KALRN: variants seen among roughly 807,000 people sequenced by gnomAD.
KALRN encodes kalirin RhoGEF kinase, also known as kalirin.
Under a neutral mutation model 353.7 loss-of-function variants are expected in KALRN, and 70 were observed. That is an observed-to-expected ratio of 0.20 (90% CI 0.16 to 0.24). KALRN has a LOEUF of 0.24. Ranked by LOEUF, KALRN falls within the 10% of genes least tolerant of loss-of-function variation. The probability of loss-of-function intolerance (pLI) is 1.00; values close to 1 mark genes in which losing one functional copy is unlikely to be tolerated. For synonymous variants in KALRN, 1,391 were observed against 1,434.8 expected (o/e 0.97, Z 0.69); for missense variants, 2,791 against 3,756.7 (o/e 0.74, Z 6.72).
chr3:124,532,613 C>G (rs1220090929), intron 33 of KALRN, among the ~76,000 whole-genome samples: 1 of 152,106 alleles, frequency 6.6e-6, no homozygotes, highest in Non-Finnish European at 1.5e-5. Context: ...CAGAACCAGC[C>G]TGGCCAATGT....
chr3:124,544,894 TG>T (rs368842934), intron 33 of KALRN, among the ~76,000 whole-genome samples: 129 of 152,326 alleles, frequency 8.5e-4, no homozygotes, highest in African/African-American at 3.1e-3. Flanking sequence ...AGATGTGGAC[TG>T]GAGGGTAGGG....
At chr3:124,218,004 G>A (rs1241448382) in intron 1 of KALRN, among the ~76,000 whole-genome samples, 1 of 152,226 alleles carries the variant, frequency 6.6e-6, no homozygotes, top group Non-Finnish European at 1.5e-5. Context: ...GCAAGTGGGA[G>A]TGGGAAGAAA....
intron 51 of KALRN, among the ~76,000 whole-genome samples, chr3:124,688,426 TAC>T (rs770709736): frequency 1.4e-3 from 209 of 152,274 alleles, no homozygotes; most frequent in Non-Finnish European, 2.5e-3. Flanking sequence ...CCTACTATTA[TAC>T]CTAAATTCTT....
intron 51 of KALRN, among the ~76,000 whole-genome samples, chr3:124,693,570 G>A (rs768744697): frequency 1.3e-5 from 2 of 152,272 alleles, no homozygotes; most frequent in African/African-American, 2.4e-5. Context: ...GGGGCCGCAC[G>A]CTGCCAGGCA....
intron 16 of KALRN, among the ~76,000 whole-genome samples, chr3:124,432,307 G>A (rs959321300): frequency 2.0e-5 from 3 of 152,100 alleles, no homozygotes; most frequent in African/African-American, 7.2e-5. Context: ...CCAGCTACTC[G>A]GGAGGCTGAG....
intron 20 of KALRN, 71 bp downstream of exon 20, chr3:124,446,347 TC>T: frequency 8.8e-7 from 1 of 1,130,102 alleles, no homozygotes; most frequent in Non-Finnish European, 1.3e-6. Context: ...CAAGGCTTAG[TC>T]CAGAAGAGGG....
chr3:124,067,326 A>G lies in KALRN; in HGVS notation c.73+33513A>G, dbSNP rs1451926741. On this transcript the variant is annotated intron_variant, in intron 1 of 59. Transcript: ENST00000682506. ...TACCCCACCCCACCCCACCGCACCC[A>G]CCCCTGTTGTGATGGGGAATTACTC... Among the ~76,000 whole-genome samples, 3 of 60,220 alleles carry G rather than the reference A, an allele frequency of 5.0e-5. No individual in the cohort carries two copies. In the South Asian group the frequency reaches 1.7e-3, roughly 34 times the overall value. The allele number at this position is 60,220 out of a possible 152,430, so 39.5% of individuals were successfully genotyped here.
At chr3:124,044,498 C>G (rs2040243400) in intron 1 of KALRN, among the ~76,000 whole-genome samples, 1 of 151,556 alleles carries the variant, frequency 6.6e-6, no homozygotes, top group African/African-American at 2.4e-5. Flanking sequence ...CCTGTAATCC[C>G]AGCTACTCAA....
At chr3:124,500,837 T>C (rs1375768482) in intron 33 of KALRN, among the ~76,000 whole-genome samples, 1 of 151,982 alleles carries the variant, frequency 6.6e-6, no homozygotes, top group African/African-American at 2.4e-5. Context: ...GTAAATAGTC[T>C]TTTGACTATA....
rs114386291 is a variant in KALRN, at chr3:124,303,467, G to A, written c.1092+4554G>A. On this transcript the variant is annotated intron_variant, in intron 6 of 59. Transcript: ENST00000682506. ...ATAAATTTTCCTTCCCCTGATTGTG[G>A]CCTTCTACTCTGATGGGAGTATGGG... is the stretch of plus-strand genomic sequence containing the variant. Among the ~76,000 whole-genome samples, 141 of 152,218 alleles carry A rather than the reference G, an allele frequency of 9.3e-4. 1 individual carries two copies. Among genetic ancestry groups the A allele is most frequent in the African/African-American group, 3.3e-3 (139 of 41,532 alleles).
At chr3:124,585,067 C>G (rs576508449) in intron 34 of KALRN, among the ~76,000 whole-genome samples, 1 of 152,280 alleles carries the variant, frequency 6.6e-6, no homozygotes, top group Non-Finnish European at 1.5e-5. Context: ...TGCTGCGATC[C>G]GTTTCACAGT....
intron 27 of KALRN, 60 bp downstream of exon 27, chr3:124,477,394 T>G: frequency 3.4e-6 from 4 of 1,170,168 alleles, no homozygotes; most frequent in Non-Finnish European, 5.1e-6. Context: ...TTCTCTGCTT[T>G]GGCATAATGG....
intron 33 of KALRN, among the ~76,000 whole-genome samples, chr3:124,527,161 A>C (rs2067660692): frequency 6.6e-6 from 1 of 152,230 alleles, no homozygotes; most frequent in Non-Finnish European, 1.5e-5. Flanking sequence ...TGACTGACAC[A>C]ATCAGGGCTA....
At chr3:124,499,451 T>G (rs2064259052) in intron 33 of KALRN, among the ~76,000 whole-genome samples, 1 of 152,222 alleles carries the variant, frequency 6.6e-6, no homozygotes, top group African/African-American at 2.4e-5. Context: ...TAATTCCCAC[T>G]CTTACTAGAG....
intron 3 of KALRN, among the ~76,000 whole-genome samples, chr3:124,261,908 A>T (rs1385832965): frequency 6.6e-6 from 1 of 152,232 alleles, no homozygotes; most frequent in African/African-American, 2.4e-5. Flanking sequence ...ATAGAAAGCC[A>T]CTAATCCCTG....
intron 14 of KALRN, among the ~76,000 whole-genome samples, chr3:124,414,064 C>T (rs950036057): frequency 1.3e-5 from 2 of 151,708 alleles, no homozygotes; most frequent in African/African-American, 2.4e-5. Context: ...TGAGACCATG[C>T]GACTGCACTC....
intron 1 of KALRN, among the ~76,000 whole-genome samples, chr3:124,046,882 A>G (rs2040519436): frequency 7.8e-6 from 1 of 128,370 alleles, no homozygotes; most frequent in African/African-American, 2.8e-5. Flanking sequence ...TACTTGCTCC[A>G]TTAGTATTTG....
chr3:124,305,593 G>GCACTGCCAAAGC (rs908670453), intron 6 of KALRN, among the ~76,000 whole-genome samples: 2 of 152,176 alleles, frequency 1.3e-5, no homozygotes, highest in Non-Finnish European at 2.9e-5. Context: ...GAAAATCAGA[G>GCACTGCCAAAGC]CACTGCCAAA....
chr3:124,447,549 T>C (rs567407563), intron 21 of KALRN, among the ~76,000 whole-genome samples: 1 of 152,316 alleles, frequency 6.6e-6, no homozygotes, highest in East Asian at 1.9e-4. Flanking sequence ...TGTCTCAAGT[T>C]CCTCTTTGTA....
Sources: allele counts gnomAD v4.1 joint callset (sites outside exome capture counted in the v4.1 genomes callset), GRCh38; gene constraint gnomAD v4.1.1; transcripts MANE v1.5; gene names NCBI Gene and HGNC (gene_info 2026-07-23, HGNC 2026-07-21).